PDE4D: variants seen among roughly 807,000 people sequenced by gnomAD.
PDE4D encodes the protein phosphodiesterase 4D.
Under a neutral mutation model 87.4 loss-of-function variants are expected in PDE4D, and 24 were observed. The ratio of observed to expected loss-of-function variants is 0.27; its 90% CI spans 0.20 to 0.39. PDE4D has a LOEUF of 0.39. Ranked by LOEUF, PDE4D falls within the 10% of genes least tolerant of loss-of-function variation. The pLI is 1.00. For missense variants in PDE4D, 714 were observed against 1,041.0 expected, an observed-to-expected ratio of 0.69 and a Z score of 4.32; for synonymous variants, 384 against 383.2, an observed-to-expected ratio of 1.00 and a Z score of -0.02.
At chr5:59,205,160 G>A (rs1169147774) in intron 2 of PDE4D, among the ~76,000 whole-genome samples, 1 of 152,090 alleles carries the variant, frequency 6.6e-6, no homozygotes, top group East Asian at 1.9e-4. Flanking sequence ...ATGCTCAGTG[G>A]TCCTTGTCAA....
intron 2 of PDE4D, among the ~76,000 whole-genome samples, chr5:60,123,701 A>G (rs1261767814): frequency 6.6e-6 from 1 of 152,180 alleles, no homozygotes; most frequent in Non-Finnish European, 1.5e-5. Context: ...GAAGGAACAG[A>G]TGTTAAATAC....
chr5:59,069,718 C>G (rs6867053), intron 5 of PDE4D, among the ~76,000 whole-genome samples: 77,197 of 151,852 alleles, frequency 0.51, 21,810 homozygotes, highest in East Asian at 0.74. Context: ...ACCTGGTCTA[C>G]TGTGGTTGCA....
At chr5:59,900,028 T>G (rs941000351) in intron 3 of PDE4D, among the ~76,000 whole-genome samples, 3 of 152,090 alleles carry the variant, frequency 2.0e-5, no homozygotes, top group Non-Finnish European at 4.4e-5. Context: ...TCACTTGATG[T>G]CAGGAGTTCA....
intron 1 of PDE4D, among the ~76,000 whole-genome samples, chr5:59,426,996 TATACACACACACAC>T (rs1562166828): frequency 3.3e-5 from 4 of 121,206 alleles, no homozygotes; most frequent in African/African-American, 6.6e-5. Context: ...AACTTGAAGC[TATACACACACACAC>T]ACACACACAC....
rs543654777 is a variant in PDE4D, at chr5:59,345,593, TTCC to T, written c.456-129628_456-129626del. Among the ~76,000 whole-genome samples the T allele has an allele frequency of 1.4e-3, 218 of 152,270 alleles. 1 individual carries two copies. The highest frequency in any genetic ancestry group is 6.8e-3 in the Middle Eastern group (2 of 294). ...GAATGGCTCACTGTTACCCACACTA[TTCC>T]TGGAAAAACAGGTCCTAAAGATTAA... On this transcript the variant is annotated intron_variant, in intron 1 of 14. Coordinates refer to ENST00000340635, the MANE Select transcript of PDE4D (RefSeq NM_001104631.2).
At chr5:60,303,599 G>A (rs907531751) in intron 1 of PDE4D, among the ~76,000 whole-genome samples, 6 of 152,136 alleles carry the variant, frequency 3.9e-5, no homozygotes, top group African/African-American at 1.2e-4. Context: ...GAGCCACCGC[G>A]CCCGGCCTCT....
intron 6 of PDE4D, among the ~76,000 whole-genome samples, chr5:59,028,605 G>A (rs985755690): frequency 5.9e-5 from 9 of 151,864 alleles, no homozygotes; most frequent in South Asian, 2.1e-4. Flanking sequence ...GTAAAAGGCA[G>A]AGAATGAATC....
At chr5:59,121,128 A>G (rs1450071677) in intron 5 of PDE4D, among the ~76,000 whole-genome samples, 2 of 152,212 alleles carry the variant, frequency 1.3e-5, no homozygotes, top group African/African-American at 4.8e-5. Flanking sequence ...ACTTCAGGAC[A>G]TTGGTCTAGG....
chr5:59,118,119 T>A (rs1773913573), intron 5 of PDE4D, among the ~76,000 whole-genome samples: 1 of 152,210 alleles, frequency 6.6e-6, no homozygotes, highest in Non-Finnish European at 1.5e-5. Context: ...AAGAGATCCT[T>A]CTACCTTTCT....
At chr5:59,797,607 A>G (rs2152659320) in intron 1 of PDE4D, among the ~76,000 whole-genome samples, 1 of 152,262 alleles carries the variant, frequency 6.6e-6, no homozygotes, top group South Asian at 2.1e-4. Context: ...CCAGAGATAG[A>G]GGGCTGCTGA....
intron 5 of PDE4D, among the ~76,000 whole-genome samples, chr5:59,176,103 C>T (rs1783843270): frequency 6.6e-6 from 1 of 152,144 alleles, no homozygotes; most frequent in African/African-American, 2.4e-5. Flanking sequence ...AGCAAAAGAG[C>T]TATTTAAGTC....
chr5:60,434,544 A>G (rs898775116), intron 1 of PDE4D, among the ~76,000 whole-genome samples: 1 of 152,218 alleles, frequency 6.6e-6, no homozygotes, highest in African/African-American at 2.4e-5. Flanking sequence ...ATGGATTTAA[A>G]TGGACACAAA....
chr5:59,077,245 TA>T (rs1306385792), intron 5 of PDE4D, among the ~76,000 whole-genome samples: 3 of 152,122 alleles, frequency 2.0e-5, no homozygotes, highest in Non-Finnish European at 4.4e-5. Context: ...TAACAAATAT[TA>T]GGTGTGTTAT....
chr5:59,961,472 G>T (rs549860298), intron 3 of PDE4D, among the ~76,000 whole-genome samples: 44 of 152,070 alleles, frequency 2.9e-4, no homozygotes, highest in African/African-American at 1.1e-3. Context: ...CCTTGATTTT[G>T]AACTGTATTC....
chr5:60,297,961 T>C (rs1185107185), intron 1 of PDE4D, among the ~76,000 whole-genome samples: 3 of 152,204 alleles, frequency 2.0e-5, no homozygotes, highest in Non-Finnish European at 4.4e-5. Flanking sequence ...AGCTGTGGCG[T>C]AGAATTTTTA....
At chr5:59,451,829 C>G (rs896979991) in intron 1 of PDE4D, among the ~76,000 whole-genome samples, 5 of 152,208 alleles carry the variant, frequency 3.3e-5, no homozygotes, top group Non-Finnish European at 5.9e-5. Context: ...ATGCCCATGT[C>G]ATTCCACTGT....
chr5:60,048,871 T>C (rs1344976412), intron 2 of PDE4D, among the ~76,000 whole-genome samples: 1 of 152,186 alleles, frequency 6.6e-6, no homozygotes. Context: ...GAGGAGTATC[T>C]TTTTGGCATT....
chr5:59,108,631 C>T (rs1038940664), intron 5 of PDE4D, among the ~76,000 whole-genome samples: 15 of 152,262 alleles, frequency 9.9e-5, no homozygotes, highest in Middle Eastern at 3.4e-3. Context: ...CGGTGGCTCA[C>T]GCCCGTAGTC....
intron 1 of PDE4D, among the ~76,000 whole-genome samples, chr5:59,222,166 A>G (rs2153511140): frequency 6.6e-6 from 1 of 152,292 alleles, no homozygotes; most frequent in African/African-American, 2.4e-5. Context: ...GTTCCATTTC[A>G]GTGGAATTAC....
Sources: allele counts gnomAD v4.1 joint callset (sites outside exome capture counted in the v4.1 genomes callset), GRCh38; gene constraint gnomAD v4.1.1; transcripts MANE v1.5; gene names NCBI Gene and HGNC (gene_info 2026-07-23, HGNC 2026-07-21).